The following ITGBL1 variants were observed in gnomAD, a reference collection of about 807,000 sequenced individuals.
The protein encoded by ITGBL1 is integrin subunit beta like 1.
In ITGBL1, 51 loss-of-function variants were observed where a neutral mutation model predicts 68.5. The observed-to-expected ratio is 0.74, with a 90% confidence interval of 0.59 to 0.94. The LOEUF (loss-of-function observed/expected upper bound fraction) is 0.94, where lower values mean the gene tolerates loss of function less well. ITGBL1 is among the 40% of genes least tolerant of loss of function. The pLI, the probability that ITGBL1 is intolerant of heterozygous loss-of-function variation, is 0.00. For synonymous variants in ITGBL1, 209 were observed against 227.3 expected, an observed-to-expected ratio of 0.92 and a Z score of 0.72; for missense variants, 649 against 647.4, an observed-to-expected ratio of 1.00 and a Z score of -0.03.
chr13:101,520,585 A>G (rs2049268800), intron 2 of ITGBL1, among the ~76,000 whole-genome samples: 1 of 152,150 alleles, frequency 6.6e-6, no homozygotes, highest in Admixed American at 6.5e-5. Context: ...ATGGAATCCA[A>G]TCATGTTCTT....
intron 2 of ITGBL1, among the ~76,000 whole-genome samples, chr13:101,520,032 G>T (rs577339174): frequency 6.6e-6 from 1 of 152,270 alleles, no homozygotes; most frequent in South Asian, 2.1e-4. Flanking sequence ...TGCTTTTTGA[G>T]TTTAGGGTTG....
chr13:101,690,129 A>G (rs1469691484), intron 7 of ITGBL1, among the ~76,000 whole-genome samples: 1 of 152,206 alleles, frequency 6.6e-6, no homozygotes, highest in Admixed American at 6.5e-5. Context: ...GAAATTGGTT[A>G]CTATATTCTC....
intron 5 of ITGBL1, among the ~76,000 whole-genome samples, chr13:101,580,226 A>C (rs1196678109): frequency 6.6e-6 from 1 of 152,138 alleles, no homozygotes; most frequent in Non-Finnish European, 1.5e-5. Context: ...TTTCATTTCT[A>C]TACATGAATA....
Position 101,464,053 on chromosome 13 carries a change from C to T in ITGBL1, c.316+9953C>T, listed in dbSNP as rs192538319. On this transcript the variant is annotated intron_variant, in intron 2 of 10. Transcript: ENST00000376180. Reference sequence around the variant, plus strand: ...CCTCCTGAGTAGCAGGGACTACAGGCGCCCATCATCACACCTGGCTAATTT... The same window carrying T: ...CCTCCTGAGTAGCAGGGACTACAGGTGCCCATCATCACACCTGGCTAATTT... Among the ~76,000 whole-genome samples, 291 of 151,928 alleles carry T rather than the reference C, an allele frequency of 1.9e-3. 1 individual carries two copies. Among genetic ancestry groups the T allele is most frequent in the Middle Eastern group, 6.8e-3 (2 of 294 alleles).
intron 8 of ITGBL1, among the ~76,000 whole-genome samples, chr13:101,693,598 C>T (rs2033930277): frequency 6.9e-6 from 1 of 145,586 alleles, no homozygotes; most frequent in Non-Finnish European, 1.5e-5. Context: ...GCTGAGGCAC[C>T]ATCCATCCAT....
At chr13:101,690,822 T>C (rs1045324766) in intron 7 of ITGBL1, among the ~76,000 whole-genome samples, 1 of 152,232 alleles carries the variant, frequency 6.6e-6, no homozygotes, top group Non-Finnish European at 1.5e-5. Flanking sequence ...AAATGTGTAT[T>C]GGTATATTTT....
chr13:101,521,380 ATAC>A, intron 2 of ITGBL1, among the ~76,000 whole-genome samples: 1 of 152,202 alleles, frequency 6.6e-6, no homozygotes, highest in Non-Finnish European at 1.5e-5. Context: ...ATGGTGATAA[ATAC>A]TACAGAAAAA....
intron 6 of ITGBL1, among the ~76,000 whole-genome samples, chr13:101,591,742 T>C (rs1458457510): frequency 6.6e-6 from 1 of 152,198 alleles, no homozygotes; most frequent in East Asian, 1.9e-4. Flanking sequence ...TTTTCATCCA[T>C]TAGCATTTCT....
intron 7 of ITGBL1, among the ~76,000 whole-genome samples, chr13:101,672,012 A>G (rs1307898891): frequency 6.6e-6 from 1 of 152,182 alleles, no homozygotes; most frequent in Non-Finnish European, 1.5e-5. Context: ...TTTAGTCTCA[A>G]GAGATATTTA....
intron 8 of ITGBL1, chr13:101,692,922 C>G (rs921977138): frequency 2.3e-6 from 1 of 430,990 alleles, no homozygotes; most frequent in Non-Finnish European, 4.1e-6. Flanking sequence ...AGTACACTAT[C>G]AATAAAAGAT....
chr13:101,538,316 T>G (rs546949659), intron 2 of ITGBL1, among the ~76,000 whole-genome samples: 10 of 151,450 alleles, frequency 6.6e-5, no homozygotes, highest in African/African-American at 2.2e-4. Context: ...TGGGGGGCCG[T>G]GTAAAGAGAT....
At chr13:101,542,227 A>G (rs2049720045) in intron 2 of ITGBL1, among the ~76,000 whole-genome samples, 1 of 152,144 alleles carries the variant, frequency 6.6e-6, no homozygotes, top group Admixed American at 6.6e-5. Flanking sequence ...ACTACTTTGA[A>G]TGTGTCTCAG....
intron 2 of ITGBL1, among the ~76,000 whole-genome samples, chr13:101,521,606 A>G (rs562594233): frequency 4.5e-4 from 69 of 152,128 alleles, no homozygotes; most frequent in African/African-American, 1.6e-3. Flanking sequence ...AGAAGATGCC[A>G]TGGAGTCTCA....
intron 7 of ITGBL1, among the ~76,000 whole-genome samples, chr13:101,620,353 A>G (rs1225740849): frequency 6.6e-6 from 1 of 152,192 alleles, no homozygotes; most frequent in African/African-American, 2.4e-5. Flanking sequence ...TATCAGACAG[A>G]TACCATAAAC....
At chr13:101,602,143 T>G (rs959591129) in intron 7 of ITGBL1, among the ~76,000 whole-genome samples, 2 of 152,102 alleles carry the variant, frequency 1.3e-5, no homozygotes, top group Non-Finnish European at 2.9e-5. Flanking sequence ...TTTAGACGTT[T>G]GCTTAAAGTT....
At chr13:101,693,673 T>C (rs973688734) in intron 8 of ITGBL1, among the ~76,000 whole-genome samples, 1 of 148,620 alleles carries the variant, frequency 6.7e-6, no homozygotes, top group Non-Finnish European at 1.5e-5. Context: ...TATCATCTAT[T>C]ATCTGTGTAT....
In ITGBL1 at chr13:101,715,488, T is replaced by C; in HGVS notation, c.1394-75T>C. 1.3e-5 allele frequency: 13 copies of C among 986,408 alleles called. No individual in the cohort carries two copies. In the South Asian group the frequency reaches 1.7e-4, roughly 13 times the overall value. The allele number at this position is 986,408 out of a possible 1,614,324, so 61.1% of individuals were successfully genotyped here. A position where few individuals can be genotyped will look rare whatever the true frequency, so the allele number is the denominator to read the frequency against. ...ATGAAATGATTTCATTGTGGACACTTGTGATTTATAATAGCATGTTTAAAT... is the reference window on the plus strand; with the variant it reads ...ATGAAATGATTTCATTGTGGACACTCGTGATTTATAATAGCATGTTTAAAT... On this transcript the variant is annotated intron_variant, in intron 10 of 10. Transcript: ENST00000376180.
intron 6 of ITGBL1, among the ~76,000 whole-genome samples, chr13:101,584,537 G>A (rs1180911825): frequency 1.3e-5 from 2 of 152,152 alleles, no homozygotes; most frequent in Non-Finnish European, 2.9e-5. Context: ...TTAATTATGA[G>A]TGTGCAACTT....
intron 7 of ITGBL1, among the ~76,000 whole-genome samples, chr13:101,666,789 T>A (rs1343890207): frequency 6.6e-6 from 1 of 152,122 alleles, no homozygotes; most frequent in Non-Finnish European, 1.5e-5. Context: ...ACCTTAATAA[T>A]AAGAGCCTCA....
Sources: gnomAD v4.1 joint callset for allele counts (sites outside exome capture counted in the v4.1 genomes callset) on GRCh38, gnomAD v4.1.1 for gene constraint, MANE v1.5 for transcripts, NCBI Gene and HGNC (gene_info 2026-07-23, HGNC 2026-07-21) for gene names.